ABLIM2: variants seen among roughly 807,000 people sequenced by gnomAD.
The protein encoded by ABLIM2 is actin-binding LIM protein 2.
In ABLIM2, 53 loss-of-function variants were observed where a neutral mutation model predicts 97.7. The observed-to-expected ratio is 0.54, with a 90% confidence interval of 0.44 to 0.68. The LOEUF is 0.68. Among genes scored for constraint, ABLIM2 ranks in the 30% least tolerant of loss-of-function variants. ABLIM2 has a pLI of 0.00. For synonymous variants in ABLIM2, 361 were observed against 345.8 expected (o/e 1.04, Z -0.49); for missense variants, 835 against 867.2 (o/e 0.96, Z 0.47).
intron 16 of ABLIM2, among the ~76,000 whole-genome samples, chr4:7,993,509 C>G (rs1750635510): frequency 6.6e-6 from 1 of 152,124 alleles, no homozygotes; most frequent in Non-Finnish European, 1.5e-5. Flanking sequence ...CATAGCAAGA[C>G]CACCCCTACA....
In ABLIM2 at chr4:8,046,035, A is replaced by G. The variant is rs948468408; in HGVS notation, c.823-794T>C. On this transcript the variant is annotated intron_variant, in intron 8 of 20. Coordinates refer to ENST00000447017, the MANE Select transcript of ABLIM2 (RefSeq NM_001130083.2). The surrounding 1 kb of genome is among the most constrained non-coding windows in gnomAD (Gnocchi z 4.4). The stretch of plus-strand genomic sequence containing the variant: ...TGCTCCCACCTGACACACAACTTAG[A>G]AATGGCCCTTCGGAGCCCCCTGGCA... Among the ~76,000 whole-genome samples, 26 of 152,072 alleles carry G rather than the reference A, an allele frequency of 1.7e-4. No individual in the cohort carries two copies. The highest frequency in any genetic ancestry group is 1.7e-3 in the Admixed American group (26 of 15,280).
intron 1 of ABLIM2, among the ~76,000 whole-genome samples, chr4:8,152,823 C>A (rs1242079129): frequency 6.6e-6 from 1 of 152,186 alleles, no homozygotes; most frequent in African/African-American, 2.4e-5. Flanking sequence ...GCTCATGAGA[C>A]CCTCAATCCC....
rs535392073 is a variant in ABLIM2, at chr4:8,133,974, C to T, written c.10+24706G>A. ...CATGGGGGTCTCGTCATGCATGAAG[C>T]TGGCAGGTTGCAGGGGGGGGTGACG... is the stretch of plus-strand genomic sequence containing the variant. On this transcript the variant is annotated intron_variant, in intron 1 of 20. Transcript: ENST00000447017. 3.9e-5 allele frequency among the ~76,000 whole-genome samples: 6 copies of T among 152,116 alleles called. No homozygotes were observed. The East Asian group carries it at 1.2e-3, about 29-fold the overall frequency.
chr4:8,100,792 C>T (rs1336854042), intron 2 of ABLIM2, among the ~76,000 whole-genome samples: 6 of 146,588 alleles, frequency 4.1e-5, no homozygotes, highest in Non-Finnish European at 1.5e-5. Context: ...GAGATGAGGT[C>T]TAACAAGCTG....
intron 6 of ABLIM2, among the ~76,000 whole-genome samples, chr4:8,064,176 A>G (rs1489914328): frequency 6.6e-6 from 1 of 152,178 alleles, no homozygotes; most frequent in Non-Finnish European, 1.5e-5. Context: ...TGCAGAAATA[A>G]ATTTGCCTTG....
At chr4:8,062,307 G>A (rs59637013) in intron 6 of ABLIM2, among the ~76,000 whole-genome samples, 3 of 152,350 alleles carry the variant, frequency 2.0e-5, no homozygotes, top group East Asian at 1.9e-4. Context: ...CCTGGGCCAC[G>A]TCAGGGAGTA....
chr4:8,157,379 G>A (rs1715701787), intron 1 of ABLIM2, among the ~76,000 whole-genome samples: 1 of 152,208 alleles, frequency 6.6e-6, no homozygotes, highest in Non-Finnish European at 1.5e-5. Context: ...CAAGTCTCAG[G>A]GTGCCCTGCT....
At chr4:8,091,942 T>C (rs998797954) in intron 3 of ABLIM2, among the ~76,000 whole-genome samples, 1 of 129,750 alleles carries the variant, frequency 7.7e-6, no homozygotes, top group Non-Finnish European at 1.6e-5. Flanking sequence ...TTATAATATA[T>C]AATACATATT....
chr4:8,102,691 C>G (rs1419378462), intron 2 of ABLIM2, among the ~76,000 whole-genome samples: 1 of 152,188 alleles, frequency 6.6e-6, no homozygotes. Flanking sequence ...ACAGATTTTC[C>G]CAGGTAAACT....
chr4:8,096,949 G>T, intron 3 of ABLIM2, 150 bp downstream of exon 3: 1 of 1,030,102 alleles, frequency 9.7e-7, no homozygotes, highest in Non-Finnish European at 1.4e-6. Flanking sequence ...AAGACAGAAG[G>T]GTGCAGACTG....
intron 1 of ABLIM2, among the ~76,000 whole-genome samples, chr4:8,117,116 G>C (rs183615998): frequency 1.3e-5 from 2 of 152,292 alleles, no homozygotes; most frequent in Non-Finnish European, 2.9e-5. Flanking sequence ...ATCCAAGAAG[G>C]GAAATGCCCT....
chr4:8,036,717 G>C (rs577681792), intron 9 of ABLIM2, among the ~76,000 whole-genome samples: 9 of 152,306 alleles, frequency 5.9e-5, no homozygotes, highest in East Asian at 1.9e-4. Context: ...ACACCCGAAG[G>C]CTCTGGGGTT....
intron 1 of ABLIM2, among the ~76,000 whole-genome samples, chr4:8,145,480 G>A (rs936438033): frequency 4.6e-5 from 7 of 151,972 alleles, no homozygotes; most frequent in African/African-American, 1.5e-4. Context: ...TACCGCGCCC[G>A]GCCAGGTATT....
At chr4:7,974,235 C>T (rs955732462) in intron 20 of ABLIM2, among the ~76,000 whole-genome samples, 71 of 151,930 alleles carry the variant, frequency 4.7e-4, no homozygotes, top group African/African-American at 1.6e-3. Flanking sequence ...ATCCACTCAT[C>T]CATCTATCCA....
At position 8,085,055 on chromosome 4, in the gene ABLIM2, G is replaced by A. The variant is rs1033310986; in HGVS notation, c.454+3114C>T. 1.4e-4 allele frequency among the ~76,000 whole-genome samples: 21 copies of A among 152,286 alleles called. No homozygotes were observed. The highest frequency in any genetic ancestry group is 4.8e-4 in the African/African-American group (20 of 41,562). On this transcript the variant is annotated intron_variant, in intron 4 of 20. Coordinates refer to ENST00000447017, the MANE Select transcript of ABLIM2 (RefSeq NM_001130083.2). The surrounding 1 kb of genome is among the most constrained non-coding windows in gnomAD (Gnocchi z 6.1). ...GAGTGGTGGGGAAGCTGAGGCATGCGGGGTGTTCGCTGCTCCTTCTGGAAG... is the reference window on the plus strand; with the variant it reads ...GAGTGGTGGGGAAGCTGAGGCATGCAGGGTGTTCGCTGCTCCTTCTGGAAG...
intron 14 of ABLIM2, among the ~76,000 whole-genome samples, chr4:8,016,343 C>A (rs555642452): frequency 1.3e-5 from 2 of 152,118 alleles, no homozygotes; most frequent in African/African-American, 4.8e-5. Flanking sequence ...TGTGCCTGGC[C>A]GGTCATGAAT....
chr4:8,036,151 C>T lies in ABLIM2; in HGVS notation c.1045G>A (p.Glu349Lys), dbSNP rs747552782. The T allele has an allele frequency of 2.2e-5, 36 of 1,613,588 alleles. No individual in the cohort carries two copies. Among genetic ancestry groups the T allele is most frequent in the Non-Finnish European group, 2.7e-5 (32 of 1,179,722 alleles). Residue 349 changes from glutamate to lysine, a missense_variant and splice_region_variant, in exon 10 of 21, where the codon GAG becomes AAG. Transcript: ENST00000447017. ...GGCCATGTGGGCAGGGTCCATACCT[C>T]GCCGTAGCTCTGCCTGTCCCCTGCA... ...HSAGDRQSYG[E>K]GDQDDRSYKQ...
At chr4:8,007,284 GC>G in intron 16 of ABLIM2, 1 of 985,362 alleles carries the variant, frequency 1.0e-6, no homozygotes, top group Non-Finnish European at 1.2e-6. Flanking sequence ...TCAGTGGTGA[GC>G]TCAGATTTGA....
intron 16 of ABLIM2, among the ~76,000 whole-genome samples, chr4:8,000,959 T>A (rs1756741852): frequency 6.6e-6 from 1 of 152,196 alleles, no homozygotes; most frequent in Non-Finnish European, 1.5e-5. Flanking sequence ...GGCAGAGGAC[T>A]GTGGCTCACA....
Sources: gnomAD v4.1 joint callset for allele counts (sites outside exome capture counted in the v4.1 genomes callset) on GRCh38, gnomAD v4.1.1 for gene constraint, Gnocchi (gnomAD v3.1) non-coding constraint, MANE v1.5 for transcripts, NCBI Gene and HGNC (gene_info 2026-07-23, HGNC 2026-07-21) for gene names.